Variants in SAMD5 observed in about 807,000 individuals in gnomAD.
SAMD5 encodes the protein sterile alpha motif domain-containing protein 5.
Under a neutral mutation model 11.3 loss-of-function variants are expected in SAMD5, and 13 were observed. That is an observed-to-expected ratio of 1.15 (90% CI 0.75 to 1.83). The LOEUF (loss-of-function observed/expected upper bound fraction) is 1.83, where lower values mean the gene tolerates loss of function less well. SAMD5 is among the 40% of genes most tolerant of loss of function. SAMD5 has a pLI of 0.00. For synonymous variants in SAMD5, 129 were observed against 111.3 expected (o/e 1.16, Z -1.00); for missense variants, 255 against 239.1 (o/e 1.07, Z -0.44).
intron 1 of SAMD5, among the ~76,000 whole-genome samples, chr6:147,696,788 C>T: frequency 6.6e-6 from 1 of 152,146 alleles, no homozygotes; most frequent in African/African-American, 2.4e-5. Context: ...AGTTAATATA[C>T]ATAAAACAGT....
chr6:147,924,006 A>C, the SAMD5 span, among the ~76,000 whole-genome samples: 2 of 152,202 alleles, frequency 1.3e-5, no homozygotes, highest in African/African-American at 2.4e-5. Flanking sequence ...GATGCAGAAG[A>C]GGTATCTGTG....
At chr6:147,677,544 G>A (rs924185493) in intron 1 of SAMD5, among the ~76,000 whole-genome samples, 2 of 152,102 alleles carry the variant, frequency 1.3e-5, no homozygotes, top group Non-Finnish European at 2.9e-5. Context: ...CAGAGAGAAT[G>A]GGATTGAGTT....
rs76055348 is a variant in SAMD5 at position 147,577,553 on chromosome 6, T to C, written c.162+68166T>C. ...ACTAAATGAATTGAATATATCTCTT[T>C]TAGCCTACAAATCCTATTCATCTGC... On this transcript the variant is annotated intron_variant, in intron 1 of 1. Coordinates refer to the SAMD5 transcript ENST00000566741. 6.2e-3 allele frequency among the ~76,000 whole-genome samples: 939 copies of C among 152,284 alleles called. 6 individuals are homozygous for C. The highest frequency in any genetic ancestry group is 9.2e-3 in the Non-Finnish European group (628 of 68,000).
chr6:147,834,899 T>C, the SAMD5 span, among the ~76,000 whole-genome samples: 2 of 152,190 alleles, frequency 1.3e-5, no homozygotes, highest in South Asian at 2.1e-4. Flanking sequence ...TAATTAAATG[T>C]AAATAGTACT....
chr6:147,790,785 TCTCTCTCTCTCTCTCTCTC>T, the SAMD5 span, among the ~76,000 whole-genome samples: 11 of 112,628 alleles, frequency 9.8e-5, no homozygotes, highest in African/African-American at 2.2e-4. Flanking sequence ...TCTCTCTCTC[TCTCTCTCTCTCTCTCTCTC>T]TCTCTCTCTC....
chr6:147,573,213 C>T (rs1789164567), downstream of SAMD5, among the ~76,000 whole-genome samples: 2 of 152,190 alleles, frequency 1.3e-5, no homozygotes, highest in Admixed American at 6.5e-5. Flanking sequence ...AGTCCATTCT[C>T]ACACTGCTAT....
the SAMD5 span, among the ~76,000 whole-genome samples, chr6:147,915,125 AT>A: frequency 1.3e-5 from 2 of 152,222 alleles, no homozygotes; most frequent in Non-Finnish European, 2.9e-5. Flanking sequence ...CAGACAGTAG[AT>A]TAGATAAAAG....
the SAMD5 span, among the ~76,000 whole-genome samples, chr6:147,823,923 G>C: frequency 1.3e-5 from 2 of 152,126 alleles, no homozygotes; most frequent in African/African-American, 2.4e-5. Flanking sequence ...TCTGCATTGA[G>C]AGTTACTATT....
the SAMD5 span, among the ~76,000 whole-genome samples, chr6:147,782,767 C>T: frequency 6.6e-6 from 1 of 152,208 alleles, no homozygotes; most frequent in Non-Finnish European, 1.5e-5. Flanking sequence ...TATGAAGAAG[C>T]ATTTTATTCA....
intron 1 of SAMD5, chr6:147,737,278 A>C: frequency 8.5e-7 from 1 of 1,181,204 alleles, no homozygotes; most frequent in Non-Finnish European, 1.1e-6. Context: ...TCACTGGGCA[A>C]CACTTAATTA....
chr6:147,873,768 G>A, the SAMD5 span, among the ~76,000 whole-genome samples: 1 of 152,004 alleles, frequency 6.6e-6, no homozygotes, highest in Non-Finnish European at 1.5e-5. Context: ...AAAATATTCA[G>A]TACTTTCTTT....
intron 1 of SAMD5, among the ~76,000 whole-genome samples, chr6:147,675,352 C>T (rs1790847702): frequency 6.6e-6 from 1 of 152,086 alleles, no homozygotes; most frequent in Non-Finnish European, 1.5e-5. Flanking sequence ...TGTGAAGAAC[C>T]CATCCTGAAC....
chr6:147,542,483 A>G (rs1418016836), intron 1 of SAMD5, among the ~76,000 whole-genome samples: 1 of 152,214 alleles, frequency 6.6e-6, no homozygotes, highest in Non-Finnish European at 1.5e-5. Flanking sequence ...AGTCTCCCTG[A>G]GCATTCAGGA....
intron 1 of SAMD5, among the ~76,000 whole-genome samples, chr6:147,535,289 T>C (rs1788491486): frequency 6.6e-6 from 1 of 152,198 alleles, no homozygotes; most frequent in Admixed American, 6.5e-5. Flanking sequence ...GGGCAAACAT[T>C]AGTATTTTTA....
chr6:147,643,790 A>AAGGAAGGC (rs1790351265), intron 1 of SAMD5, among the ~76,000 whole-genome samples: 3 of 151,446 alleles, frequency 2.0e-5, no homozygotes, highest in African/African-American at 7.3e-5. Flanking sequence ...GGAAGGAAGG[A>AAGGAAGGC]AGGAAAGAGA....
At chr6:147,512,250 C>G (rs938463223) in intron 1 of SAMD5, among the ~76,000 whole-genome samples, 1 of 152,158 alleles carries the variant, frequency 6.6e-6, no homozygotes. Flanking sequence ...GCCACCGCAC[C>G]CCGCCAGAAT....
At chr6:147,717,723 T>A (rs951596489) in intron 1 of SAMD5, among the ~76,000 whole-genome samples, 1 of 152,246 alleles carries the variant, frequency 6.6e-6, no homozygotes, top group African/African-American at 2.4e-5. Context: ...GCACCTGTAG[T>A]CCCAGCTACT....
the SAMD5 span, among the ~76,000 whole-genome samples, chr6:147,755,805 T>C: frequency 0.033 from 5,028 of 152,206 alleles, 224 homozygotes; most frequent in African/African-American, 0.1. Context: ...ATACAGTGCT[T>C]CTTCAGAGTT....
intron 1 of SAMD5, among the ~76,000 whole-genome samples, chr6:147,615,663 G>A (rs190766261): frequency 4.6e-5 from 7 of 152,294 alleles, no homozygotes; most frequent in Admixed American, 2.0e-4. Flanking sequence ...AATTTGCCAT[G>A]CAAGTATTAG....
Sources: allele counts gnomAD v4.1 joint callset (sites outside exome capture counted in the v4.1 genomes callset), GRCh38; gene constraint gnomAD v4.1.1; transcripts MANE v1.5; gene names NCBI Gene and HGNC (gene_info 2026-07-23, HGNC 2026-07-21).